The following XPO4 variants were observed in gnomAD, a reference collection of about 807,000 sequenced individuals.
XPO4 encodes exportin 4.
A neutral mutation model predicts 143.0 loss-of-function variants in XPO4; 39 were observed. The observed-to-expected ratio is 0.27, with a 90% CI of 0.21 to 0.36. The LOEUF is 0.36. Ranked by LOEUF, XPO4 falls within the 10% of genes least tolerant of loss-of-function variation. The pLI is 1.00. For synonymous variants in XPO4, 439 were observed against 474.0 expected, an observed-to-expected ratio of 0.93 and a Z score of 0.96; for missense variants, 907 against 1,348.0, an observed-to-expected ratio of 0.67 and a Z score of 5.12.
At chr13:20,870,153 T>C (rs2060282264) in intron 1 of XPO4, among the ~76,000 whole-genome samples, 1 of 149,834 alleles carries the variant, frequency 6.7e-6, no homozygotes, top group Admixed American at 6.7e-5. Context: ...GAATTTTGAG[T>C]GTGGTGGCTC....
chr13:20,822,320 T>G, intron 7 of XPO4, 31 bp from the exon 8 acceptor site: 1 of 1,586,928 alleles, frequency 6.3e-7, no homozygotes, highest in Non-Finnish European at 8.6e-7. Flanking sequence ...TCCATAAATA[T>G]AAATTCTTCC....
At chr13:20,857,001 T>G (rs200914809) in intron 3 of XPO4, 2 of 491,872 alleles carry the variant, frequency 4.1e-6, no homozygotes, top group Non-Finnish European at 5.3e-6. Context: ...ATAACATGCA[T>G]TTATTAGATA....
Position 20,868,182 on chromosome 13 carries a change from ACT to A in XPO4, c.175+412_175+413del, listed in dbSNP as rs1259962365. On this transcript the variant is annotated intron_variant, in intron 2 of 22. Transcript: ENST00000255305. ...AACTAAATGGTTAAAAAAAAAAAAAACTATGGAAAACAACTAAAAGAAAATGT... is the reference window on the plus strand; with the variant it reads ...AACTAAATGGTTAAAAAAAAAAAAAAATGGAAAACAACTAAAAGAAAATGT... Among the ~76,000 whole-genome samples the A allele has an allele frequency of 2.4e-3, 357 of 150,392 alleles. 1 individual carries two copies. Among genetic ancestry groups the A allele is most frequent in the African/African-American group, 7.7e-3 (317 of 41,304 alleles).
intron 18 of XPO4, among the ~76,000 whole-genome samples, chr13:20,794,786 C>T (rs1211865637): frequency 6.6e-6 from 1 of 152,076 alleles, no homozygotes; most frequent in African/African-American, 2.4e-5. Flanking sequence ...TTAAGCAGAA[C>T]TGACCTGAAG....
intron 2 of XPO4, 63 bp downstream of exon 2, chr13:20,868,533 T>TAA: frequency 6.4e-7 from 1 of 1,557,278 alleles, no homozygotes; most frequent in Non-Finnish European, 8.6e-7. Flanking sequence ...AGCTAATGTT[T>TAA]AAGACAGCAA....
chr13:20,860,774 G>A (rs1213481498), intron 3 of XPO4, among the ~76,000 whole-genome samples: 1 of 152,116 alleles, frequency 6.6e-6, no homozygotes, highest in African/African-American at 2.4e-5. Context: ...TTTCAAACCA[G>A]GGACAAGACT....
intron 6 of XPO4, among the ~76,000 whole-genome samples, chr13:20,830,360 T>C (rs1373759177): frequency 6.6e-6 from 1 of 152,216 alleles, no homozygotes; most frequent in Non-Finnish European, 1.5e-5. Context: ...ATCTCTGGCA[T>C]GATGTTTGCC....
intron 6 of XPO4, among the ~76,000 whole-genome samples, chr13:20,829,829 A>C (rs12584025): frequency 0.37 from 55,650 of 152,038 alleles, 11,624 homozygotes; most frequent in Non-Finnish European, 0.48. Flanking sequence ...ATCTTACAAA[A>C]GTATCAGTAA....
intron 1 of XPO4, among the ~76,000 whole-genome samples, chr13:20,877,767 T>C (rs181980893): frequency 2.2e-4 from 33 of 152,236 alleles, no homozygotes; most frequent in African/African-American, 6.5e-4. Context: ...CAATGAACAA[T>C]AGGCTAGACA....
intron 6 of XPO4, among the ~76,000 whole-genome samples, chr13:20,841,590 C>A (rs1413882987): frequency 6.6e-6 from 1 of 152,128 alleles, no homozygotes; most frequent in Non-Finnish European, 1.5e-5. Context: ...TGCAGCAGCT[C>A]AGTGACTGCT....
chr13:20,895,434 C>A (rs969908680), intron 1 of XPO4, among the ~76,000 whole-genome samples: 1 of 151,952 alleles, frequency 6.6e-6, no homozygotes, highest in African/African-American at 2.4e-5. Context: ...AAGTTCAAAA[C>A]CAGCCTGGCC....
At chr13:20,888,962 C>T (rs9509419) in intron 1 of XPO4, among the ~76,000 whole-genome samples, 55,436 of 151,876 alleles carry the variant, frequency 0.37, 11,575 homozygotes, top group Non-Finnish European at 0.48. Context: ...GCCACCATGC[C>T]CAGTTCCCAG....
Position 20,777,416 on chromosome 13 carries a change from A to G in XPO4, c.*6306T>C, listed in dbSNP as rs536535507. The G allele has an allele frequency of 1.1e-4, 17 of 152,340 alleles. No individual in the cohort carries two copies. The highest frequency in any genetic ancestry group is 1.0e-3 in the Admixed American group (16 of 15,304). 9.4% of individuals were successfully genotyped at this position (152,340 alleles called of 1,614,324 possible). On this transcript the variant is annotated 3_prime_UTR_variant, in exon 23 of 23. Transcript: ENST00000255305. ...AATTTTTTCTTTGGGAGGAACACTT[A>G]TAAACTCATGATATGGATAACAGAC...
rs761698876 is a variant in XPO4 at position 20,822,305 on chromosome 13, A to C, written c.841-16T>G. 1.2e-6 allele frequency: 2 copies of C among 1,605,472 alleles called. No homozygotes were observed. Among genetic ancestry groups the C allele is most frequent in the South Asian group, 2.2e-5 (2 of 90,120 alleles). On this transcript the variant is annotated splice_polypyrimidine_tract_variant and intron_variant, in intron 7 of 22. Transcript: ENST00000255305. The stretch of plus-strand genomic sequence containing the variant: ...TTCGATGTACCTGTTAGAAAGAATT[A>C]CTAATCCATAAATATAAATTCTTCC...
chr13:20,878,540 T>A (rs1436486263), intron 1 of XPO4, among the ~76,000 whole-genome samples: 2 of 152,238 alleles, frequency 1.3e-5, no homozygotes, highest in Non-Finnish European at 2.9e-5. Context: ...AGATAAACCC[T>A]GAAAATTATT....
intron 4 of XPO4, chr13:20,848,280 C>A (rs1455476781): frequency 1.0e-6 from 1 of 985,038 alleles, no homozygotes; most frequent in Admixed American, 6.2e-5. Flanking sequence ...TTTCAGGAGT[C>A]CAATACAAGA....
chr13:20,789,574 G>A (rs1281814773), intron 19 of XPO4, among the ~76,000 whole-genome samples: 2 of 150,162 alleles, frequency 1.3e-5, no homozygotes, highest in African/African-American at 4.9e-5. Flanking sequence ...TTTTGTGTGT[G>A]TGTGTGTGTA....
chr13:20,842,508 C>G (rs546551895), intron 6 of XPO4, among the ~76,000 whole-genome samples: 2 of 152,246 alleles, frequency 1.3e-5, no homozygotes, highest in African/African-American at 4.8e-5. Flanking sequence ...GCACTCCAAA[C>G]TAGCTTTAAG....
intron 4 of XPO4, among the ~76,000 whole-genome samples, chr13:20,846,879 T>C (rs1472495499): frequency 6.6e-6 from 1 of 152,186 alleles, no homozygotes; most frequent in Non-Finnish European, 1.5e-5. Flanking sequence ...ACAAATGTGT[T>C]CTATTTAAAT....
Sources: allele counts gnomAD v4.1 joint callset (sites outside exome capture counted in the v4.1 genomes callset), GRCh38; gene constraint gnomAD v4.1.1; transcripts MANE v1.5; gene names NCBI Gene and HGNC (gene_info 2026-07-23, HGNC 2026-07-21).